ITGB4: variants seen among roughly 807,000 people sequenced by gnomAD.
The protein encoded by ITGB4 is integrin subunit beta 4, also known as integrin beta-4.
A neutral mutation model predicts 207.6 loss-of-function variants in ITGB4; 159 were observed. That is an observed-to-expected ratio of 0.77 (90% CI 0.67 to 0.87). ITGB4 has a LOEUF of 0.87. Ranked by LOEUF, ITGB4 falls within the 40% of genes least tolerant of loss-of-function variation. The probability of loss-of-function intolerance (pLI) is 0.00; values close to 1 mark genes in which losing one functional copy is unlikely to be tolerated. For missense variants in ITGB4, 2,278 were observed against 2,546.8 expected (o/e 0.89, Z 2.27); for synonymous variants, 1,020 against 1,062.7 (o/e 0.96, Z 0.78).
chr17:75,736,736 G>T, intron 16 of ITGB4, 42 bp downstream of exon 16: 1 of 1,571,338 alleles, frequency 6.4e-7, no homozygotes, highest in Admixed American at 1.9e-5. Context: ...GAGAGCCTAG[G>T]CAGCGGGCAT....
chr17:75,748,819 C>G (rs774808475), intron 26 of ITGB4, 22 bp from the exon 27 acceptor site: 1 of 1,582,080 alleles, frequency 6.3e-7, no homozygotes, highest in Admixed American at 1.8e-5. Flanking sequence ...ATGACCCTGA[C>G]CCTGACCCCC....
rs1165230772 is a variant in ITGB4, at chr17:75,730,512, G to A, written c.1002+8G>A. ...TCCTATAGCTACTACGAGGTGCGGG[G>A]CCCAGGTCCCACGGGTGGGAGGTGG... On this transcript the variant is annotated splice_region_variant and intron_variant, in intron 8 of 39. Transcript: ENST00000200181. The A allele has an allele frequency of 6.2e-7, 1 of 1,613,538 alleles. No homozygotes were observed. Among genetic ancestry groups the A allele is most frequent in the Admixed American group, 1.7e-5 (1 of 60,022 alleles).
rs559388831 is a variant in ITGB4, at chr17:75,754,718, C to T, written c.4461C>T (p.Thr1487=). 4.3e-6 allele frequency: 7 copies of T among 1,614,172 alleles called. No individual in the cohort carries two copies. The highest frequency in any genetic ancestry group is 2.2e-5 in the East Asian group (1 of 44,886). The change falls in exon 34 of 40, where the codon ACC becomes ACT. Residue 1487 remains threonine (T), a synonymous_variant. Coordinates refer to ENST00000200181, the MANE Select transcript of ITGB4 (RefSeq NM_000213.5). ...VPHRVLSTSS[T]LTRDYNSLTR... is the part of the protein sequence containing the mutation. ...ACCGCGTGCTAAGCACATCCTCCAC[C>T]CTCACACGGGACTACAACTCACTGA...
In ITGB4 at chr17:75,739,966, A is replaced by G; in HGVS notation, c.2341A>G (p.Ser781Gly). The G allele has an allele frequency of 1.2e-6, 2 of 1,613,254 alleles. No homozygotes were observed. The highest frequency in any genetic ancestry group is 1.6e-4 in the Middle Eastern group (1 of 6,062). Residue 781 changes from serine (S) to glycine (G), a missense_variant, in exon 20 of 40, where the codon AGC (serine) becomes GGC (glycine). Physicochemically the swap from Ser to Gly is moderately conservative, Grantham distance 56 (BLOSUM62 0). Transcript: ENST00000200181. This position sits in a 1 kb window ranked among gnomAD's most constrained non-coding sequence, Gnocchi z 5.4. ...CCACTTGGACACGCCCATGCTGCGC[A>G]GCGGGAACCTCAAGGGCCGTGACGT... Reference protein sequence around the residue: ...SDHLDTPMLRSGNLKGRDVVR... With the variant: ...SDHLDTPMLRGGNLKGRDVVR...
chr17:75,723,611 C>CA, intron 1 of ITGB4, among the ~76,000 whole-genome samples: 1 of 152,372 alleles, frequency 6.6e-6, no homozygotes, highest in East Asian at 1.9e-4. Context: ...CTCCAGGCTG[C>CA]ACGCCTTAGA....
Position 75,732,038 on chromosome 17 carries a change from T to C in ITGB4, c.1377+65T>C, listed in dbSNP as rs2060872853. Reference sequence around the variant, plus strand: ...CCAAGCACCCAGGGACCCTGAGGAATGAAGCAGGACTCCTGTGCCCCATAT... The same window carrying C: ...CCAAGCACCCAGGGACCCTGAGGAACGAAGCAGGACTCCTGTGCCCCATAT... On this transcript the variant is annotated intron_variant, in intron 11 of 39. Transcript: ENST00000200181. The surrounding 1 kb of genome is among the most constrained non-coding windows in gnomAD (Gnocchi z 5.3). 3 of 1,611,850 alleles carry C rather than the reference T, an allele frequency of 1.9e-6. No homozygotes were observed. In the South Asian group the frequency reaches 3.3e-5, roughly 18 times the overall value.
At chr17:75,734,586 G>A (rs139251083) in intron 13 of ITGB4, among the ~76,000 whole-genome samples, 347 of 152,282 alleles carry the variant, frequency 2.3e-3, no homozygotes, top group Middle Eastern at 6.8e-3. Flanking sequence ...GGGGACATAG[G>A]GAAGGATTGG....
chr17:75,752,419 G>GCCCTGGCTCACTC (rs1366740786), intron 31 of ITGB4, 27 bp from the exon 32 acceptor site: 20 of 1,612,912 alleles, frequency 1.2e-5, no homozygotes, highest in Non-Finnish European at 1.6e-5. Flanking sequence ...AGCAGCCAGG[G>GCCCTGGCTCACTC]CCCTGGCTCA....
chr17:75,753,671 G>C (rs1286910995), intron 32 of ITGB4, 94 bp from the exon 33 acceptor site: 1 of 817,540 alleles, frequency 1.2e-6, no homozygotes, highest in Non-Finnish European at 1.6e-6. Context: ...CTGGAGACGG[G>C]CTCCCCTCGC....
chr17:75,728,986 C>CAAA (rs933959785), intron 6 of ITGB4, among the ~76,000 whole-genome samples: 34 of 44,948 alleles, frequency 7.6e-4, no homozygotes, highest in Admixed American at 1.3e-3. Context: ...TCTGTCTCAA[C>CAAA]AAAAAAAAAA....
In ITGB4 at chr17:75,722,757, C is replaced by CTGTGTG. The variant is rs55981241; in HGVS notation, c.-11+1175_-11+1180dup. Among the ~76,000 whole-genome samples the CTGTGTG allele has an allele frequency of 0.33, 44,106 of 134,794 alleles. 7,584 individuals carry two copies. Among genetic ancestry groups the CTGTGTG allele is most frequent in the Non-Finnish European group, 0.39 (24,659 of 62,830 alleles). The allele number at this position is 134,794 out of a possible 152,430, so 88.4% of individuals were successfully genotyped here. On this transcript the variant is annotated intron_variant, in intron 1 of 39. Coordinates refer to ENST00000200181, the MANE Select transcript of ITGB4 (RefSeq NM_000213.5). This position sits in a 1 kb window ranked among gnomAD's most constrained non-coding sequence, Gnocchi z 6.2. Reference sequence around the variant, plus strand: ...GAGCCTGTGGGTGGGTGGGCATGGCCTGTGTGTGTGTGTGTGTGTGTGTGT... The same window carrying CTGTGTG: ...GAGCCTGTGGGTGGGTGGGCATGGCCTGTGTGTGTGTGTGTGTGTGTGTGTGTGTGT...
In ITGB4 at chr17:75,724,717, G is replaced by A. The variant is rs374855840; in HGVS notation, c.14G>A (p.Arg5His). The A allele has an allele frequency of 2.5e-5, 40 of 1,613,726 alleles. No homozygotes were observed. Among genetic ancestry groups the A allele is most frequent in the Middle Eastern group, 1.6e-4 (1 of 6,062 alleles). Residue 5 changes from arginine to histidine, a missense_variant, in exon 2 of 40, where the codon CGC becomes CAC. By Grantham distance (29) the Arg-to-His change is conservative (BLOSUM62 0). Coordinates refer to ENST00000200181, the MANE Select transcript of ITGB4 (RefSeq NM_000213.5). Reference protein sequence around the residue: MAGPRPSPWARLLLA... With the variant: MAGPHPSPWARLLLA... ...AGGAGGAAGAGGATGGCAGGGCCAC[G>A]CCCCAGCCCATGGGCCAGGCTGCTC... is the stretch of plus-strand genomic sequence containing the variant.
intron 38 of ITGB4, 40 bp downstream of exon 38, chr17:75,757,147 G>A: frequency 3.1e-6 from 5 of 1,612,780 alleles, no homozygotes; most frequent in Non-Finnish European, 4.2e-6. Context: ...CCCCTCCTCG[G>A]GCCGTGCCTC....
chr17:75,743,617 T>C, intron 25 of ITGB4, 96 bp from the exon 26 acceptor site: 1 of 1,564,932 alleles, frequency 6.4e-7, no homozygotes, highest in Non-Finnish European at 8.8e-7. Context: ...AGCGGACTCC[T>C]GGATTCTGGG....
At position 75,729,805 on chromosome 17, in the gene ITGB4, A is replaced by G. The variant is rs1314535185; in HGVS notation, c.738+369A>G. On this transcript the variant is annotated intron_variant, in intron 7 of 39. Coordinates refer to ENST00000200181, the MANE Select transcript of ITGB4 (RefSeq NM_000213.5). This position sits in a 1 kb window ranked among gnomAD's most constrained non-coding sequence, Gnocchi z 4.4. ...GCCATTTCCTTTGATATGTACATCCATTTGTTCATTCTGAAAATGACATAC... is the reference window on the plus strand; with the variant it reads ...GCCATTTCCTTTGATATGTACATCCGTTTGTTCATTCTGAAAATGACATAC... Among the ~76,000 whole-genome samples the G allele has an allele frequency of 3.3e-5, 5 of 152,218 alleles. No individual in the cohort carries two copies. Among genetic ancestry groups the G allele is most frequent in the Non-Finnish European group, 7.3e-5 (5 of 68,034 alleles).
intron 26 of ITGB4, among the ~76,000 whole-genome samples, chr17:75,747,732 C>T (rs556407089): frequency 6.6e-6 from 1 of 152,304 alleles, no homozygotes; most frequent in Non-Finnish European, 1.5e-5. Context: ...TCACTGCAAC[C>T]TCTGCCTCCC....
At chr17:75,724,205 A>G (rs1243832607) in intron 1 of ITGB4, among the ~76,000 whole-genome samples, 2 of 152,162 alleles carry the variant, frequency 1.3e-5, no homozygotes, top group African/African-American at 4.8e-5. Flanking sequence ...GGCCCCAGAT[A>G]TTGGGAGGGG....
rs1474291877 is a variant in ITGB4, at chr17:75,740,380, C to T, written c.2469C>T (p.Arg823=). ...TAGTGCCCTACGGGCTGTCCTTGCG[C>T]CTGGCCCGCCTTTGCACCGAGAACC... The part of the protein sequence containing the change: ...TELVPYGLSL[R]LARLCTENLL... Residue 823 remains arginine, a synonymous_variant, in exon 21 of 40, where the codon CGC becomes CGT. Coordinates refer to ENST00000200181, the MANE Select transcript of ITGB4 (RefSeq NM_000213.5). This position sits in a 1 kb window ranked among gnomAD's most constrained non-coding sequence, Gnocchi z 5.9. The T allele has an allele frequency of 2.5e-5, 41 of 1,613,700 alleles. No individual in the cohort carries two copies. The highest frequency in any genetic ancestry group is 3.5e-5 in the Non-Finnish European group (41 of 1,180,010).
intron 2 of ITGB4, among the ~76,000 whole-genome samples, chr17:75,725,123 G>A (rs1488564763): frequency 1.3e-5 from 2 of 152,224 alleles, no homozygotes; most frequent in Non-Finnish European, 2.9e-5. Context: ...CACTGCTGAC[G>A]TGTCACTTGC....
Sources: allele counts gnomAD v4.1 joint callset (sites outside exome capture counted in the v4.1 genomes callset), GRCh38; gene constraint gnomAD v4.1.1; non-coding constraint Gnocchi (gnomAD v3.1); transcripts MANE v1.5; gene names NCBI Gene and HGNC (gene_info 2026-07-23, HGNC 2026-07-21).